Variants in SLC44A1 observed in about 807,000 individuals in gnomAD.
SLC44A1 encodes the protein choline transporter-like protein 1.
SLC44A1 carries 26 observed loss-of-function variants against 79.3 expected under a neutral mutation model. That is an observed-to-expected ratio of 0.33 (90% CI 0.24 to 0.46). SLC44A1 has a LOEUF of 0.46. Ranked by LOEUF, SLC44A1 falls within the 20% of genes least tolerant of loss-of-function variation. SLC44A1 has a pLI of 1.00. For synonymous variants in SLC44A1, 263 were observed against 286.2 expected (o/e 0.92, Z 0.82); for missense variants, 688 against 798.1 (o/e 0.86, Z 1.66).
intron 1 of SLC44A1, among the ~76,000 whole-genome samples, chr9:105,261,708 A>G (rs1305773388): frequency 6.6e-6 from 1 of 150,560 alleles, no homozygotes; most frequent in Non-Finnish European, 1.5e-5. Context: ...GTTAAGGGAG[A>G]TGCTACGGAG....
At chr9:105,251,660 A>G (rs1829591705) in intron 1 of SLC44A1, among the ~76,000 whole-genome samples, 1 of 152,060 alleles carries the variant, frequency 6.6e-6, no homozygotes, top group South Asian at 2.1e-4. Context: ...CTGCAGCCTC[A>G]CAGATTCTTC....
At chr9:105,288,264 C>T (rs1323242492) in intron 1 of SLC44A1, among the ~76,000 whole-genome samples, 2 of 148,258 alleles carry the variant, frequency 1.3e-5, no homozygotes, top group African/African-American at 5.2e-5. Context: ...GATTTATTTT[C>T]TATTATTGGA....
chr9:105,408,495 C>T (rs1829057194), intron 15 of SLC44A1, among the ~76,000 whole-genome samples: 1 of 152,106 alleles, frequency 6.6e-6, no homozygotes. Context: ...CTGCAACCTC[C>T]ACCTCCTGGG....
At chr9:105,304,944 G>GGTTT (rs1830979096) in intron 2 of SLC44A1, among the ~76,000 whole-genome samples, 1 of 20,078 alleles carries the variant, frequency 5.0e-5, no homozygotes, top group African/African-American at 1.4e-4. Context: ...ACTTTCTATC[G>GGTTT]TTTTTTTTTT....
chr9:105,266,987 CT>C (rs375766409), intron 1 of SLC44A1, among the ~76,000 whole-genome samples: 29 of 151,518 alleles, frequency 1.9e-4, no homozygotes, highest in African/African-American at 6.5e-4. Context: ...GTTTTTTTTT[CT>C]CCCCATCAGT....
At chr9:105,353,556 T>C (rs560070448) in intron 5 of SLC44A1, among the ~76,000 whole-genome samples, 6 of 152,292 alleles carry the variant, frequency 3.9e-5, no homozygotes, top group African/African-American at 1.4e-4. Flanking sequence ...TTACTCCTAC[T>C]CTTTCAGCTA....
At chr9:105,350,073 A>G (rs907023404) in intron 5 of SLC44A1, among the ~76,000 whole-genome samples, 6 of 152,218 alleles carry the variant, frequency 3.9e-5, no homozygotes, top group Non-Finnish European at 8.8e-5. Context: ...GCTTCTAACA[A>G]GGTCATCATC....
chr9:105,281,931 A>G (rs1464586985), intron 1 of SLC44A1, among the ~76,000 whole-genome samples: 4 of 152,224 alleles, frequency 2.6e-5, no homozygotes, highest in Non-Finnish European at 5.9e-5. Flanking sequence ...GAAAGAACCA[A>G]TTGACATGGA....
At chr9:105,301,000 C>T (rs1830863690) in intron 2 of SLC44A1, among the ~76,000 whole-genome samples, 1 of 152,062 alleles carries the variant, frequency 6.6e-6, no homozygotes, top group African/African-American at 2.4e-5. Flanking sequence ...AAACTCCTGA[C>T]CTCAGGTGAT....
chr9:105,246,780 A>G lies in SLC44A1; in HGVS notation c.36+1876A>G, dbSNP rs557510094. 3.3e-5 allele frequency among the ~76,000 whole-genome samples: 5 copies of G among 152,358 alleles called. No homozygotes were observed. The East Asian group carries it at 7.7e-4, about 23-fold the overall frequency. ...TAGCTTGTTCAGTGCATGAACAGTT[A>G]AATTTGGGAGGGATGGGTGCTGCAT... On this transcript the variant is annotated intron_variant, in intron 1 of 15. Coordinates refer to ENST00000374720, the MANE Select transcript of SLC44A1 (RefSeq NM_080546.5).
Position 105,254,617 on chromosome 9 carries a change from A to G in SLC44A1, c.36+9713A>G, listed in dbSNP as rs1009528625. ...CATTTTACTTATAGCCCCATTATGA[A>G]CTTCACAGTTCGTAGTTCAAAGTCA... On this transcript the variant is annotated intron_variant, in intron 1 of 15. Coordinates refer to ENST00000374720, the MANE Select transcript of SLC44A1 (RefSeq NM_080546.5). Among the ~76,000 whole-genome samples the G allele has an allele frequency of 1.1e-3, 164 of 152,120 alleles. 1 individual carries two copies. Among genetic ancestry groups the G allele is most frequent in the African/African-American group, 3.9e-3 (162 of 41,418 alleles).
chr9:105,334,758 T>C lies in SLC44A1; in HGVS notation c.270-805T>C, dbSNP rs554866272. On this transcript the variant is annotated intron_variant, in intron 3 of 15. Coordinates refer to ENST00000374720, the MANE Select transcript of SLC44A1 (RefSeq NM_080546.5). ...CTCATCTACTTTATAACATTAAAAA[T>C]ACATGCTTTGGCGTGCTTTCTAATT... 1.1e-4 allele frequency among the ~76,000 whole-genome samples: 17 copies of C among 152,338 alleles called. No individual in the cohort carries two copies. In the South Asian group the frequency reaches 3.5e-3, roughly 32 times the overall value.
intron 15 of SLC44A1, among the ~76,000 whole-genome samples, chr9:105,405,181 T>G (rs898145202): frequency 2.0e-5 from 3 of 151,746 alleles, no homozygotes; most frequent in African/African-American, 7.3e-5. Context: ...ATTAGCTGGG[T>G]GTGATGGCGG....
At chr9:105,267,047 G>C (rs535750353) in intron 1 of SLC44A1, among the ~76,000 whole-genome samples, 59 of 152,020 alleles carry the variant, frequency 3.9e-4, no homozygotes, top group Non-Finnish European at 7.6e-4. Context: ...TGATTTGGTA[G>C]ACCACCTCCT....
rs567503660 is a variant in SLC44A1 at position 105,419,652 on chromosome 9, C to T, written c.1951-18629C>T. ...ATTTCTAGCTGGGCGCGGTGGCCCACGCCTGTAATAATACCACTTTGGGAG... is the reference window on the plus strand; with the variant it reads ...ATTTCTAGCTGGGCGCGGTGGCCCATGCCTGTAATAATACCACTTTGGGAG... On this transcript the variant is annotated intron_variant, in intron 15 of 15. Coordinates refer to the SLC44A1 transcript ENST00000374724. Among the ~76,000 whole-genome samples the T allele has an allele frequency of 3.9e-5, 6 of 152,270 alleles. No homozygotes were observed. The East Asian group carries it at 7.7e-4, about 20-fold the overall frequency.
At chr9:105,420,955 T>C (rs1829241671) in intron 15 of SLC44A1, among the ~76,000 whole-genome samples, 1 of 146,956 alleles carries the variant, frequency 6.8e-6, no homozygotes, top group African/African-American at 2.5e-5. Flanking sequence ...ACTGCAAGAG[T>C]CCATTCAGAA....
chr9:105,346,597 A>G (rs1827253458), intron 4 of SLC44A1, among the ~76,000 whole-genome samples: 2 of 152,122 alleles, frequency 1.3e-5, no homozygotes, highest in Non-Finnish European at 2.9e-5. Flanking sequence ...TAGGACTCCT[A>G]GCTATTTCAG....
chr9:105,372,949 CAA>C (rs1276208690), intron 12 of SLC44A1, among the ~76,000 whole-genome samples: 79 of 84,572 alleles, frequency 9.3e-4, no homozygotes, highest in African/African-American at 1.7e-3. Flanking sequence ...GACTCCGTCT[CAA>C]AAAAAAAAAA....
In SLC44A1 at chr9:105,389,746, GGTAGATAATCTTTCGTAT is replaced by G. The variant is rs2131479434; in HGVS notation, c.*692_*709del. 1 of 1,295,432 alleles carries G rather than the reference GGTAGATAATCTTTCGTAT, an allele frequency of 7.7e-7. No homozygotes were observed. The highest frequency in any genetic ancestry group is 3.9e-5 in the Admixed American group (1 of 25,784). 80.2% of individuals were successfully genotyped at this position (1,295,432 alleles called of 1,614,324 possible). A position where few individuals can be genotyped will look rare whatever the true frequency, so the allele number is the denominator to read the frequency against. ...AAGAAAGTAGGTAAAAAAAGAAAAG[GGTAGATAATCTTTCGTAT>G]GCAAACTTTTCCCTTATATTTTGTC... On this transcript the variant is annotated 3_prime_UTR_variant, in exon 16 of 16. Transcript: ENST00000374720.
Sources: allele counts gnomAD v4.1 joint callset (sites outside exome capture counted in the v4.1 genomes callset), GRCh38; gene constraint gnomAD v4.1.1; transcripts MANE v1.5; gene names NCBI Gene and HGNC (gene_info 2026-07-23, HGNC 2026-07-21).